The following PAICS variants were observed in gnomAD, a reference collection of about 807,000 sequenced individuals.
PAICS encodes the protein bifunctional phosphoribosylaminoimidazole carboxylase/phosphoribosylaminoimidazole succinocarboxamide synthetase.
A neutral mutation model predicts 53.7 loss-of-function variants in PAICS; 33 were observed. That is an observed-to-expected ratio of 0.61 (90% CI 0.47 to 0.82). The LOEUF (loss-of-function observed/expected upper bound fraction) is 0.82, where lower values mean the gene tolerates loss of function less well. Ranked by LOEUF, PAICS falls within the 40% of genes least tolerant of loss-of-function variation. The pLI, the probability that PAICS is intolerant of heterozygous loss-of-function variation, is 0.00. For missense variants in PAICS, 394 were observed against 494.1 expected (o/e 0.80, Z 1.92); for synonymous variants, 141 against 167.2 (o/e 0.84, Z 1.21).
chr4:56,415,770 A>C, the PAICS span, among the ~76,000 whole-genome samples: 1 of 152,162 alleles, frequency 6.6e-6, no homozygotes, highest in Non-Finnish European at 1.5e-5. Context: ...AATTATAAAT[A>C]AAACACCACA....
At chr4:56,450,559 C>A in intron 5 of PAICS, 60 bp from the exon 6 acceptor site, 1 of 903,082 alleles carries the variant, frequency 1.1e-6, no homozygotes, top group Non-Finnish European at 1.8e-6. Flanking sequence ...AACTCAGAAA[C>A]CAAATAGTTT....
chr4:56,448,537 T>A lies in PAICS; in HGVS notation c.513T>A (p.Ala171=). 6.2e-7 allele frequency: 1 copy of A among 1,611,166 alleles called. No individual in the cohort carries two copies. Among genetic ancestry groups the A allele is most frequent in the Non-Finnish European group, 8.5e-7 (1 of 1,177,926 alleles). The part of the protein sequence containing the change: ...EVDIMSHATQ[A]IFEILEKSWL... ...ATATCATGAGTCATGCTACACAGGCTATATTTGAAATACTGGAGAAATCCT... is the reference window on the plus strand; with the variant it reads ...ATATCATGAGTCATGCTACACAGGCAATATTTGAAATACTGGAGAAATCCT... The change falls in exon 4 of 9, where the codon GCT becomes GCA. Residue 171 remains alanine (A), a synonymous_variant. Coordinates refer to ENST00000512576, the MANE Select transcript of PAICS (RefSeq NM_001079524.2).
At chr4:56,451,166 G>T in intron 6 of PAICS, 1 of 156,228 alleles carries the variant, frequency 6.4e-6, no homozygotes, top group Admixed American at 6.3e-5. Flanking sequence ...GTATCAGCTG[G>T]GCTATCCTTA....
the PAICS span, among the ~76,000 whole-genome samples, chr4:56,427,397 T>C: frequency 6.6e-6 from 1 of 152,246 alleles, no homozygotes; most frequent in African/African-American, 2.4e-5. Flanking sequence ...TCATATGGCA[T>C]ATGCTGAAAG....
chr4:56,464,560 A>T lies in PAICS; in HGVS notation c.*5022A>T, dbSNP rs774107319. 1 of 152,224 alleles carries T rather than the reference A, an allele frequency of 6.6e-6. No individual in the cohort carries two copies. Among genetic ancestry groups the T allele is most frequent in the Non-Finnish European group, 1.5e-5 (1 of 68,042 alleles). The allele number at this position is 152,224 out of a possible 1,614,324, so 9.4% of individuals were successfully genotyped here. A position where few individuals can be genotyped will look rare whatever the true frequency, so the allele number is the denominator to read the frequency against. On this transcript the variant is annotated 3_prime_UTR_variant, in exon 9 of 9. Coordinates refer to ENST00000512576, the MANE Select transcript of PAICS (RefSeq NM_001079524.2). ...TATTACCCATCTCTCCCAACTAGAA[A>T]ATAAATGTATTACACTGGGCTGTCT...
chr4:56,457,140 T>C (rs1719253200), intron 8 of PAICS, among the ~76,000 whole-genome samples: 1 of 152,160 alleles, frequency 6.6e-6, no homozygotes, highest in South Asian at 2.1e-4. Flanking sequence ...TTCAGAAAAA[T>C]TAAAGGCCTG....
chr4:56,435,097 G>C (rs562182914), upstream of PAICS, among the ~76,000 whole-genome samples: 4 of 152,330 alleles, frequency 2.6e-5, no homozygotes, highest in East Asian at 7.7e-4. Flanking sequence ...GCACACACCG[G>C]GGGGCGGGGA....
the PAICS span, chr4:56,428,931 T>C: frequency 1.1e-6 from 1 of 918,704 alleles, no homozygotes; most frequent in Non-Finnish European, 1.3e-6. Flanking sequence ...TCCTGTGTTT[T>C]TATTTAAGAA....
the PAICS span, among the ~76,000 whole-genome samples, chr4:56,414,639 G>T: frequency 6.6e-6 from 1 of 152,224 alleles, no homozygotes; most frequent in East Asian, 1.9e-4. Context: ...TATCTGAAGA[G>T]GTTGGAGAGA....
intron 1 of PAICS, among the ~76,000 whole-genome samples, chr4:56,440,046 T>C (rs1230145062): frequency 6.6e-6 from 1 of 152,204 alleles, no homozygotes; most frequent in South Asian, 2.1e-4. Context: ...TCTTTCCAAA[T>C]AGCGTTTTGC....
rs1197454443 is a variant in PAICS, at chr4:56,463,244, A to G, written c.*3706A>G. The G allele has an allele frequency of 6.6e-6, 1 of 152,098 alleles. No individual in the cohort carries two copies. The highest frequency in any genetic ancestry group is 1.5e-5 in the Non-Finnish European group (1 of 68,038). 9.4% of individuals were successfully genotyped at this position (152,098 alleles called of 1,614,324 possible). A position where few individuals can be genotyped will look rare whatever the true frequency, so the allele number is the denominator to read the frequency against. On this transcript the variant is annotated 3_prime_UTR_variant, in exon 9 of 9. Transcript: ENST00000512576. ...TCTCACATTGCAGTACAATGAAAAT[A>G]GTGGAATGGAAATCAAGTTATAAAA...
chr4:56,455,301 G>A (rs1719134978), intron 8 of PAICS, among the ~76,000 whole-genome samples: 1 of 152,152 alleles, frequency 6.6e-6, no homozygotes, highest in Non-Finnish European at 1.5e-5. Context: ...TATTGTTTCA[G>A]TAGGAGATTT....
upstream of PAICS, chr4:56,435,750 C>T: frequency 1.3e-6 from 2 of 1,488,970 alleles, no homozygotes; most frequent in Non-Finnish European, 1.8e-6. Context: ...TAGGGTGGAG[C>T]TAGCCTTCCC....
chr4:56,450,022 G>A (rs1718825681), intron 5 of PAICS, among the ~76,000 whole-genome samples: 1 of 151,824 alleles, frequency 6.6e-6, no homozygotes, highest in Non-Finnish European at 1.5e-5. Context: ...TCCTTTGCAG[G>A]GAAATGGATT....
the PAICS span, among the ~76,000 whole-genome samples, chr4:56,417,816 G>A: frequency 6.8e-6 from 1 of 147,814 alleles, no homozygotes; most frequent in Non-Finnish European, 1.5e-5. Flanking sequence ...ATTAATCTTC[G>A]GTATAATTTG....
At chr4:56,440,929 ATCCTTTTGTG>A (rs1354820399) in intron 1 of PAICS, among the ~76,000 whole-genome samples, 3 of 152,136 alleles carry the variant, frequency 2.0e-5, no homozygotes, top group Non-Finnish European at 4.4e-5. Flanking sequence ...TCTCTAAATC[ATCCTTTTGTG>A]TACTTCTTAG....
chr4:56,435,588 T>C (rs1300485565), upstream of PAICS: 2 of 1,565,288 alleles, frequency 1.3e-6, no homozygotes, highest in Non-Finnish European at 1.7e-6. Context: ...CGACAGGCTC[T>C]TCCTTCCCGA....
chr4:56,411,179 T>C, the PAICS span, among the ~76,000 whole-genome samples: 1 of 152,212 alleles, frequency 6.6e-6, no homozygotes, highest in African/African-American at 2.4e-5. Context: ...CTGCATGTGA[T>C]ATGTTTTTGA....
upstream of PAICS, chr4:56,435,258 G>A (rs989662198): frequency 1.9e-6 from 3 of 1,566,382 alleles, no homozygotes; most frequent in Non-Finnish European, 2.6e-6. Context: ...CGGTCCTCCC[G>A]GGCCCTCGGG....
Sources: allele counts gnomAD v4.1 joint callset (sites outside exome capture counted in the v4.1 genomes callset), GRCh38; gene constraint gnomAD v4.1.1; transcripts MANE v1.5; gene names NCBI Gene and HGNC (gene_info 2026-07-23, HGNC 2026-07-21).